The following FGF7 variants were observed in gnomAD, a reference collection of about 807,000 sequenced individuals.
FGF7 encodes FGF-7.
FGF7 carries 6 observed loss-of-function variants against 20.5 expected under a neutral mutation model. That is an observed-to-expected ratio of 0.29 (90% confidence interval 0.16 to 0.58). The LOEUF is 0.58. Ranked by LOEUF, FGF7 falls within the 20% of genes least tolerant of loss-of-function variation. The pLI, the probability that FGF7 is intolerant of heterozygous loss-of-function variation, is 0.90. For missense variants in FGF7, 144 were observed against 228.8 expected, an observed-to-expected ratio of 0.63 and a Z score of 2.39; for synonymous variants, 64 against 74.7, an observed-to-expected ratio of 0.86 and a Z score of 0.74.
chr15:49,454,470 C>T (rs1168628541), intron 2 of FGF7, among the ~76,000 whole-genome samples: 1 of 152,158 alleles, frequency 6.6e-6, no homozygotes, highest in Non-Finnish European at 1.5e-5. Context: ...TCAGCATATC[C>T]TCAAGTAAAT....
intron 2 of FGF7, among the ~76,000 whole-genome samples, chr15:49,438,188 C>A (rs2051287724): frequency 6.6e-6 from 1 of 151,662 alleles, no homozygotes; most frequent in Admixed American, 6.6e-5. Context: ...GAATATGAAG[C>A]TTTACCCATA....
intron 2 of FGF7, among the ~76,000 whole-genome samples, chr15:49,479,308 A>G (rs1165880098): frequency 6.6e-6 from 1 of 152,094 alleles, no homozygotes; most frequent in Non-Finnish European, 1.5e-5. Context: ...TTATGTCAAC[A>G]ATTTGATGCA....
intron 2 of FGF7, among the ~76,000 whole-genome samples, chr15:49,460,986 C>T (rs1274041287): frequency 6.6e-6 from 1 of 152,114 alleles, no homozygotes; most frequent in Non-Finnish European, 1.5e-5. Flanking sequence ...CCATGTAGAC[C>T]ATAAAGAATG....
In FGF7 at chr15:49,484,861, C is replaced by T. The variant is rs1168994040; in HGVS notation, c.*357C>T. Reference sequence around the variant, plus strand: ...ATAATGATTATTTAAATATTCCTATCTGCTTATAAAATGGCTGCTATAATA... The same window carrying T: ...ATAATGATTATTTAAATATTCCTATTTGCTTATAAAATGGCTGCTATAATA... On this transcript the variant is annotated 3_prime_UTR_variant, in exon 4 of 4. Transcript: ENST00000267843. The T allele has an allele frequency of 6.2e-6, 1 of 161,360 alleles. No individual in the cohort carries two copies. Among genetic ancestry groups the T allele is most frequent in the East Asian group, 1.8e-4 (1 of 5,632 alleles). 10.0% of individuals were successfully genotyped at this position (161,360 alleles called of 1,614,324 possible). A position where few individuals can be genotyped will look rare whatever the true frequency, so the allele number is the denominator to read the frequency against.
At chr15:49,479,373 G>A (rs940844001) in intron 2 of FGF7, among the ~76,000 whole-genome samples, 1 of 152,098 alleles carries the variant, frequency 6.6e-6, no homozygotes, top group Non-Finnish European at 1.5e-5. Context: ...ACTACTTAAT[G>A]TGAACAAACT....
Position 49,484,447 on chromosome 15 carries a change from A to G in FGF7, c.528A>G (p.Gly176=), listed in dbSNP as rs532536421. 2.5e-6 allele frequency: 4 copies of G among 1,577,096 alleles called. No individual in the cohort carries two copies. Among genetic ancestry groups the G allele is most frequent in the East Asian group, 2.3e-5 (1 of 44,080 alleles). The part of the protein sequence containing the change: ...ALNQKGIPVR[G]KKTKKEQKTA... Reference sequence around the variant, plus strand: ...ATCAAAAGGGGATTCCTGTAAGAGGAAAAAAAACGAAGAAAGAACAAAAAA... The same window carrying G: ...ATCAAAAGGGGATTCCTGTAAGAGGGAAAAAAACGAAGAAAGAACAAAAAA... Residue 176 remains glycine, a synonymous_variant, in exon 4 of 4, where the codon GGA becomes GGG. Coordinates refer to ENST00000267843, the MANE Select transcript of FGF7 (RefSeq NM_002009.4).
At chr15:49,464,892 G>A (rs1460212615) in intron 2 of FGF7, among the ~76,000 whole-genome samples, 2 of 152,054 alleles carry the variant, frequency 1.3e-5, no homozygotes, top group South Asian at 2.1e-4. Flanking sequence ...AATGAATAAC[G>A]TAAGACATAC....
chr15:49,432,050 C>T (rs1376413331), intron 2 of FGF7, among the ~76,000 whole-genome samples: 1 of 151,578 alleles, frequency 6.6e-6, no homozygotes, highest in African/African-American at 2.4e-5. Context: ...GCTTATTTAT[C>T]AGAATTATTC....
At position 49,488,022 on chromosome 15, in the gene FGF7, T is replaced by A. The variant is rs1180686841; in HGVS notation, c.*3518T>A. 1.3e-5 allele frequency: 2 copies of A among 151,948 alleles called. No homozygotes were observed. The highest frequency in any genetic ancestry group is 1.5e-5 in the Non-Finnish European group (1 of 67,910). 9.4% of individuals were successfully genotyped at this position (151,948 alleles called of 1,614,324 possible). A position where few individuals can be genotyped will look rare whatever the true frequency, so the allele number is the denominator to read the frequency against. ...AACCAGAACTCAAATTCACCACGCATAGGAGTGATAACAAAAATATTTAAC... is the reference window on the plus strand; with the variant it reads ...AACCAGAACTCAAATTCACCACGCAAAGGAGTGATAACAAAAATATTTAAC... On this transcript the variant is annotated 3_prime_UTR_variant, in exon 4 of 4. Transcript: ENST00000267843.
intron 2 of FGF7, among the ~76,000 whole-genome samples, chr15:49,482,368 T>G (rs1002826888): frequency 2.0e-5 from 3 of 152,084 alleles, no homozygotes; most frequent in African/African-American, 7.2e-5. Flanking sequence ...GATTTAAAAG[T>G]TAATTACAAA....
chr15:49,449,649 C>T (rs568195465), intron 2 of FGF7, among the ~76,000 whole-genome samples: 10 of 152,162 alleles, frequency 6.6e-5, no homozygotes, highest in East Asian at 5.8e-4. Flanking sequence ...GCCATACTGT[C>T]GGCTCATCTT....
intron 2 of FGF7, among the ~76,000 whole-genome samples, chr15:49,435,787 A>G (rs1261293156): frequency 6.6e-6 from 1 of 151,602 alleles, no homozygotes; most frequent in Non-Finnish European, 1.5e-5. Flanking sequence ...TTAGATATTC[A>G]AATTAATATT....
chr15:49,468,699 T>G (rs536797767), intron 2 of FGF7, among the ~76,000 whole-genome samples: 12 of 152,284 alleles, frequency 7.9e-5, no homozygotes, highest in African/African-American at 2.9e-4. Flanking sequence ...TAAAGAAATG[T>G]GGAGAAAGTG....
intron 2 of FGF7, among the ~76,000 whole-genome samples, chr15:49,459,026 A>G (rs1043436860): frequency 6.6e-6 from 1 of 152,200 alleles, no homozygotes; most frequent in African/African-American, 2.4e-5. Flanking sequence ...AACACACAAA[A>G]TCTACTGTCA....
At chr15:49,479,609 T>TG (rs2055720187) in intron 2 of FGF7, among the ~76,000 whole-genome samples, 1 of 133,260 alleles carries the variant, frequency 7.5e-6, no homozygotes, top group African/African-American at 2.8e-5. Context: ...GTTTTTTTTT[T>TG]TTTTTTTTTT....
At chr15:49,468,031 T>C (rs1451351539) in intron 2 of FGF7, among the ~76,000 whole-genome samples, 2 of 152,180 alleles carry the variant, frequency 1.3e-5, no homozygotes, top group East Asian at 1.9e-4. Context: ...AACAAGCTGC[T>C]GCAACTTAAA....
intron 2 of FGF7, among the ~76,000 whole-genome samples, chr15:49,464,648 A>G (rs911847262): frequency 3.3e-5 from 5 of 152,236 alleles, no homozygotes; most frequent in Non-Finnish European, 7.3e-5. Flanking sequence ...AATGACACCA[A>G]TAAATCATTT....
At chr15:49,430,551 TAAAGA>T (rs1450642671) in intron 2 of FGF7, among the ~76,000 whole-genome samples, 3 of 151,780 alleles carry the variant, frequency 2.0e-5, no homozygotes, top group Non-Finnish European at 1.5e-5. Context: ...GGATAATTTA[TAAAGA>T]AAAGAAATTT....
In FGF7 at chr15:49,485,669, C is replaced by T. The variant is rs188586834; in HGVS notation, c.*1165C>T. Reference sequence around the variant, plus strand: ...GAAGCAATGCTTACAATAGATGTCTCACACAGAACAATACAAATATGTAAA... The same window carrying T: ...GAAGCAATGCTTACAATAGATGTCTTACACAGAACAATACAAATATGTAAA... On this transcript the variant is annotated 3_prime_UTR_variant, in exon 4 of 4. Coordinates refer to ENST00000267843, the MANE Select transcript of FGF7 (RefSeq NM_002009.4). The T allele has an allele frequency of 4.6e-5, 7 of 152,534 alleles. No homozygotes were observed. The highest frequency in any genetic ancestry group is 1.5e-5 in the Non-Finnish European group (1 of 67,958). 9.4% of individuals were successfully genotyped at this position (152,534 alleles called of 1,614,324 possible). A position where few individuals can be genotyped will look rare whatever the true frequency, so the allele number is the denominator to read the frequency against.
Sources: allele counts gnomAD v4.1 joint callset (sites outside exome capture counted in the v4.1 genomes callset), GRCh38; gene constraint gnomAD v4.1.1; transcripts MANE v1.5; gene names NCBI Gene and HGNC (gene_info 2026-07-23, HGNC 2026-07-21).